CCL28: variants seen among roughly 807,000 people sequenced by gnomAD.
CCL28 encodes C-C motif chemokine ligand 28.
CCL28 carries 4 observed loss-of-function variants against 7.1 expected under a neutral mutation model. That is an observed-to-expected ratio of 0.56 (90% CI 0.28 to 1.29). The LOEUF (loss-of-function observed/expected upper bound fraction) is 1.29, where lower values mean the gene tolerates loss of function less well. Among genes scored for constraint, CCL28 ranks in the 50% most tolerant of loss-of-function variants. The pLI, the probability that CCL28 is intolerant of heterozygous loss-of-function variation, is 0.11. For synonymous variants in CCL28, 55 were observed against 57.8 expected (o/e 0.95, Z 0.22); for missense variants, 151 against 163.4 (o/e 0.92, Z 0.41).
At chr5:43,392,192 T>C (rs765356256) in intron 1 of CCL28, among the ~76,000 whole-genome samples, 1 of 152,128 alleles carries the variant, frequency 6.6e-6, no homozygotes, top group Non-Finnish European at 1.5e-5. Flanking sequence ...TCTCGGCTCA[T>C]TGCAACCTCC....
At chr5:43,402,410 T>C (rs1741072399) in intron 1 of CCL28, among the ~76,000 whole-genome samples, 1 of 152,238 alleles carries the variant, frequency 6.6e-6, no homozygotes, top group Admixed American at 6.5e-5. Flanking sequence ...AAATGTTTTA[T>C]GTAAGATGAA....
rs529931152 is a variant in CCL28, at chr5:43,405,584, G to T, written c.64+6669C>A. On this transcript the variant is annotated intron_variant, in intron 1 of 2. Coordinates refer to ENST00000361115, the MANE Select transcript of CCL28 (RefSeq NM_148672.3). Reference sequence around the variant, plus strand: ...TGACACCCTAACATCACAATTAAAAGAACTAGAGAAGCAAGAGCAAACACA... The same window carrying T: ...TGACACCCTAACATCACAATTAAAATAACTAGAGAAGCAAGAGCAAACACA... Among the ~76,000 whole-genome samples, 21 of 152,254 alleles carry T rather than the reference G, an allele frequency of 1.4e-4. No homozygotes were observed. The South Asian group carries it at 4.1e-3, about 30-fold the overall frequency.
downstream of CCL28, among the ~76,000 whole-genome samples, chr5:43,371,831 T>G (rs574232995): frequency 2.0e-5 from 3 of 152,352 alleles, no homozygotes; most frequent in Admixed American, 2.0e-4. Context: ...TCTGTTTATG[T>G]TATAAAGGAA....
intron 1 of CCL28, among the ~76,000 whole-genome samples, chr5:43,395,046 T>C (rs1202007032): frequency 4.0e-5 from 6 of 151,342 alleles, no homozygotes; most frequent in Non-Finnish European, 7.4e-5. Flanking sequence ...ATGCATTAGG[T>C]AGTTTTCTCT....
At chr5:43,377,194 A>G (rs1739910103), downstream of CCL28, 1 of 152,312 alleles carries the variant, frequency 6.6e-6, no homozygotes, top group Admixed American at 6.5e-5. Flanking sequence ...CATCTTACAT[A>G]AAGCCTAATA....
intron 1 of CCL28, among the ~76,000 whole-genome samples, chr5:43,402,569 C>CGCTTGGG (rs1471119959): frequency 2.6e-5 from 4 of 152,194 alleles, no homozygotes; most frequent in African/African-American, 9.7e-5. Context: ...CGAATAGGAA[C>CGCTTGGG]AGCTCCAGTC....
chr5:43,375,838 C>A (rs1047685935), downstream of CCL28, among the ~76,000 whole-genome samples: 3 of 145,650 alleles, frequency 2.1e-5, no homozygotes, highest in Admixed American at 1.4e-4. Flanking sequence ...GCCAACTACT[C>A]GGGAGGCTGA....
At chr5:43,384,261 T>C (rs1740246399) in intron 2 of CCL28, among the ~76,000 whole-genome samples, 1 of 151,842 alleles carries the variant, frequency 6.6e-6, no homozygotes, top group African/African-American at 2.4e-5. Context: ...AGACAGAGGA[T>C]TCAGAAAGGT....
At chr5:43,400,525 C>T (rs914037693) in intron 1 of CCL28, among the ~76,000 whole-genome samples, 1 of 147,864 alleles carries the variant, frequency 6.8e-6, no homozygotes, top group Non-Finnish European at 1.5e-5. Context: ...ATTGTAGAGA[C>T]GTGAACAGCT....
At chr5:43,402,547 T>C (rs1300456835) in intron 1 of CCL28, among the ~76,000 whole-genome samples, 3 of 152,156 alleles carry the variant, frequency 2.0e-5, no homozygotes, top group African/African-American at 7.2e-5. Flanking sequence ...TGTGTGCCGG[T>C]TCCAAGATGG....
At chr5:43,401,082 C>CA (rs34105761) in intron 1 of CCL28, among the ~76,000 whole-genome samples, 2,956 of 94,842 alleles carry the variant, frequency 0.031, 58 homozygotes, top group East Asian at 0.11. Context: ...GACTCCGTCT[C>CA]AAAAAAAAAA....
At chr5:43,362,287 C>T in the CCL28 span, among the ~76,000 whole-genome samples, 8,600 of 152,044 alleles carry the variant, frequency 0.057, 528 homozygotes, top group African/African-American at 0.16. Context: ...TGCCTCACAG[C>T]TTGGCTGTTT....
chr5:43,392,671 A>G (rs1170722732), intron 1 of CCL28, among the ~76,000 whole-genome samples: 1 of 152,172 alleles, frequency 6.6e-6, no homozygotes. Flanking sequence ...TCGTTTTAAA[A>G]TGTTGCCAAT....
the CCL28 span, among the ~76,000 whole-genome samples, chr5:43,365,525 C>T: frequency 3.3e-5 from 5 of 152,078 alleles, no homozygotes; most frequent in South Asian, 8.3e-4. Context: ...TTCTCCCCCC[C>T]ATATTTAATG....
chr5:43,359,109 A>G, the CCL28 span, among the ~76,000 whole-genome samples: 1 of 152,222 alleles, frequency 6.6e-6, no homozygotes, highest in East Asian at 1.9e-4. Flanking sequence ...TTCTAATAAA[A>G]TGTAGGTATA....
downstream of CCL28, among the ~76,000 whole-genome samples, chr5:43,372,225 A>G (rs1739798457): frequency 6.6e-6 from 1 of 152,226 alleles, no homozygotes; most frequent in Non-Finnish European, 1.5e-5. Flanking sequence ...CTGTAGCAAT[A>G]ACTAATACTG....
At chr5:43,373,387 G>A (rs979095614), downstream of CCL28, among the ~76,000 whole-genome samples, 3 of 151,792 alleles carry the variant, frequency 2.0e-5, no homozygotes, top group Admixed American at 6.6e-5. Flanking sequence ...TGCAACCTCC[G>A]CCTCCCTGGT....
chr5:43,363,848 G>T, the CCL28 span, among the ~76,000 whole-genome samples: 1 of 152,232 alleles, frequency 6.6e-6, no homozygotes, highest in African/African-American at 2.4e-5. Context: ...CATAAAGGGG[G>T]AGAGGAGAGG....
At chr5:43,359,754 C>T in the CCL28 span, among the ~76,000 whole-genome samples, 4 of 152,138 alleles carry the variant, frequency 2.6e-5, no homozygotes, top group Non-Finnish European at 5.9e-5. Context: ...TACATAACAT[C>T]AGTATTGTAA....
Sources: allele counts gnomAD v4.1 joint callset (sites outside exome capture counted in the v4.1 genomes callset), GRCh38; gene constraint gnomAD v4.1.1; transcripts MANE v1.5; gene names NCBI Gene and HGNC (gene_info 2026-07-23, HGNC 2026-07-21).